The following SLC30A10 variants were observed in gnomAD, a reference collection of about 807,000 sequenced individuals.
SLC30A10 encodes the protein calcium/manganese antiporter SLC30A10.
A neutral mutation model predicts 21.7 loss-of-function variants in SLC30A10; 8 were observed. That is an observed-to-expected ratio of 0.37 (90% CI 0.22 to 0.67). The LOEUF (loss-of-function observed/expected upper bound fraction) is 0.67. Ranked by LOEUF, SLC30A10 falls within the 30% of genes least tolerant of loss-of-function variation. The probability of loss-of-function intolerance (pLI) is 0.58; values close to 1 mark genes in which losing one functional copy is unlikely to be tolerated. For synonymous variants in SLC30A10, 272 were observed against 279.4 expected (o/e 0.97, Z 0.26); for missense variants, 521 against 642.5 (o/e 0.81, Z 2.04).
chr1:219,921,061 G>A (rs568047642), intron 2 of SLC30A10, among the ~76,000 whole-genome samples: 20 of 152,272 alleles, frequency 1.3e-4, no homozygotes, highest in South Asian at 1.0e-3. Context: ...AAAACAAGCC[G>A]CGTGGAAAAG....
chr1:219,928,511 G>C lies in SLC30A10; in HGVS notation c.-71C>G, dbSNP rs1228719271. The C allele has an allele frequency of 8.8e-6, 12 of 1,362,410 alleles. No individual in the cohort carries two copies. The highest frequency in any genetic ancestry group is 3.4e-5 in the Admixed American group (1 of 29,248). 84.4% of individuals were successfully genotyped at this position (1,362,410 alleles called of 1,614,324 possible). ...CCCACCCCGCGCGCAGCCACAGGTGGGGGGCGCGGCGCGGATCCGTGAGGC... is the reference window on the plus strand; with the variant it reads ...CCCACCCCGCGCGCAGCCACAGGTGCGGGGCGCGGCGCGGATCCGTGAGGC... On this transcript the variant is annotated 5_prime_UTR_variant, in exon 1 of 4. Coordinates refer to ENST00000366926, the MANE Select transcript of SLC30A10 (RefSeq NM_018713.3). This position sits in a 1 kb window ranked among gnomAD's most constrained non-coding sequence, Gnocchi z 6.3.
chr1:219,933,263 C>T (rs61832077), upstream of SLC30A10, among the ~76,000 whole-genome samples: 3 of 152,042 alleles, frequency 2.0e-5, no homozygotes, highest in Non-Finnish European at 4.4e-5. Context: ...GTTCTTGCAA[C>T]GAAAGAGTAT....
In SLC30A10 at chr1:219,948,045, A is replaced by G. The variant is rs1339092052; in HGVS notation, n.80+10523T>C. ...AAGAGAATAAAATACCTAGGAATCC[A>G]ACTTACAAGGGACGTGAAGGATCTC... On this transcript the variant is annotated intron_variant and non_coding_transcript_variant, in intron 1 of 8. Transcript: ENST00000484239. 4.6e-5 allele frequency among the ~76,000 whole-genome samples: 7 copies of G among 152,054 alleles called. No individual in the cohort carries two copies. The East Asian group carries it at 1.4e-3, about 29-fold the overall frequency.
intron 1 of SLC30A10, among the ~76,000 whole-genome samples, chr1:219,940,557 G>T (rs2102542424): frequency 6.6e-6 from 1 of 152,342 alleles, no homozygotes; most frequent in African/African-American, 2.4e-5. Flanking sequence ...GTGAAAGATT[G>T]GGAAGCCGTA....
intron 1 of SLC30A10, among the ~76,000 whole-genome samples, chr1:219,940,944 A>G (rs1660112526): frequency 6.6e-6 from 1 of 152,196 alleles, no homozygotes; most frequent in South Asian, 2.1e-4. Flanking sequence ...CATTTCTCTC[A>G]CTGAGAGTAG....
chr1:219,924,825 C>A (rs1659776577), intron 2 of SLC30A10, among the ~76,000 whole-genome samples: 1 of 152,150 alleles, frequency 6.6e-6, no homozygotes. Flanking sequence ...TATTTCAAAG[C>A]AATCCCATAA....
In SLC30A10 at chr1:219,912,265, C is replaced by T. The variant is rs1210056815; in HGVS notation, c.*3184G>A. Among the ~76,000 whole-genome samples the T allele has an allele frequency of 6.8e-6, 1 of 146,168 alleles. No individual in the cohort carries two copies. The highest frequency in any genetic ancestry group is 1.5e-5 in the Non-Finnish European group (1 of 66,914). ...TCTCCCTACTTTATTGACATTTTAT[C>T]AAGAAGAGAGTAATTTTATTTTCTG... On this transcript the variant is annotated 3_prime_UTR_variant, in exon 4 of 4. Coordinates refer to ENST00000366926, the MANE Select transcript of SLC30A10 (RefSeq NM_018713.3).
chr1:219,932,948 C>G (rs1386421127), upstream of SLC30A10, among the ~76,000 whole-genome samples: 12 of 151,384 alleles, frequency 7.9e-5, no homozygotes, highest in Non-Finnish European at 1.6e-4. Flanking sequence ...GTAATCCCAG[C>G]TACTCGGGAG....
intron 1 of SLC30A10, among the ~76,000 whole-genome samples, chr1:219,957,607 C>T (rs1008371071): frequency 7.2e-5 from 11 of 152,140 alleles, no homozygotes; most frequent in Admixed American, 6.6e-4. Flanking sequence ...TCTCTCAGTC[C>T]TTATTAACTC....
chr1:219,928,840 G>A (rs1276127807), upstream of SLC30A10, among the ~76,000 whole-genome samples: 3 of 152,186 alleles, frequency 2.0e-5, no homozygotes, highest in Non-Finnish European at 4.4e-5. The surrounding 1 kb of genome is among the most constrained non-coding windows in gnomAD (Gnocchi z 6.3). Context: ...ATGCAGAGGT[G>A]GGATTCACCC....
At chr1:219,923,519 T>C (rs1268539480) in intron 2 of SLC30A10, among the ~76,000 whole-genome samples, 1 of 152,194 alleles carries the variant, frequency 6.6e-6, no homozygotes, top group Admixed American at 6.5e-5. Context: ...ATCTTTCTTA[T>C]TGGAATTACA....
At chr1:219,955,688 C>G (rs779678204) in intron 1 of SLC30A10, among the ~76,000 whole-genome samples, 1 of 152,016 alleles carries the variant, frequency 6.6e-6, no homozygotes, top group Non-Finnish European at 1.5e-5. Context: ...TCCACAAAAC[C>G]TGGGGGAGAC....
chr1:219,956,375 C>T (rs1362039250), intron 1 of SLC30A10, among the ~76,000 whole-genome samples: 1 of 152,100 alleles, frequency 6.6e-6, no homozygotes, highest in Non-Finnish European at 1.5e-5. Flanking sequence ...CCAAAAGCTG[C>T]CAAAATAATA....
intron 1 of SLC30A10, among the ~76,000 whole-genome samples, chr1:219,956,249 C>A (rs1660347514): frequency 7.6e-6 from 1 of 130,830 alleles, no homozygotes; most frequent in African/African-American, 2.8e-5. Context: ...TAGCTCACTG[C>A]AGCCTCAAAC....
At chr1:219,932,929 C>T (rs1458184800), upstream of SLC30A10, among the ~76,000 whole-genome samples, 24 of 150,962 alleles carry the variant, frequency 1.6e-4, no homozygotes, top group Non-Finnish European at 2.1e-4. Context: ...GGCGTGGTGG[C>T]GCACGCCTGT....
At position 219,919,556 on chromosome 1, in the gene SLC30A10, A is replaced by G. The variant is rs567798857; in HGVS notation, c.719-1062T>C. Among the ~76,000 whole-genome samples the G allele has an allele frequency of 4.6e-5, 7 of 152,250 alleles. No homozygotes were observed. The South Asian group carries it at 1.5e-3, about 32-fold the overall frequency. Reference sequence around the variant, plus strand: ...TTTGGGAGGCCAAGGCAGGTAGATCATCTGAAGTCAGGAGTTCAAGACCAG... The same window carrying G: ...TTTGGGAGGCCAAGGCAGGTAGATCGTCTGAAGTCAGGAGTTCAAGACCAG... On this transcript the variant is annotated intron_variant, in intron 2 of 3. Transcript: ENST00000366926.
At chr1:219,944,164 C>A (rs1283350692) in intron 1 of SLC30A10, among the ~76,000 whole-genome samples, 2 of 147,804 alleles carry the variant, frequency 1.4e-5, no homozygotes, top group African/African-American at 5.0e-5. Context: ...AAAAAAAAAA[C>A]TGGCGGGGCA....
In SLC30A10 at chr1:219,910,920, G is replaced by T. The variant is rs2102520607; in HGVS notation, c.*4529C>A. On this transcript the variant is annotated 3_prime_UTR_variant, in exon 4 of 4. Coordinates refer to ENST00000366926, the MANE Select transcript of SLC30A10 (RefSeq NM_018713.3). ...AACTCCAGATGGGTAAGAACATGCA[G>T]ATTACATTGAGGATTATCTTTCAAT... Among the ~76,000 whole-genome samples the T allele has an allele frequency of 6.6e-6, 1 of 152,284 alleles. No homozygotes were observed. The highest frequency in any genetic ancestry group is 2.1e-4 in the South Asian group (1 of 4,824).
Position 219,918,495 on chromosome 1 carries a change from C to T in SLC30A10, c.719-1G>A, listed in dbSNP as rs1659600333. 6.3e-7 allele frequency: 1 copy of T among 1,590,914 alleles called. No individual in the cohort carries two copies. ...TCTCCCATCACATGCAAAAGTACAC[C>T]TGCCAGGAAGAAAGACTACTGCAGC... On this transcript the variant is annotated splice_acceptor_variant, in intron 2 of 3. Transcript: ENST00000366926. LOFTEE classifies it high-confidence loss of function. This position sits in a 1 kb window ranked among gnomAD's most constrained non-coding sequence, Gnocchi z 4.4.
Sources: gnomAD v4.1 joint callset for allele counts (sites outside exome capture counted in the v4.1 genomes callset) on GRCh38, gnomAD v4.1.1 for gene constraint, Gnocchi (gnomAD v3.1) non-coding constraint, MANE v1.5 for transcripts, NCBI Gene and HGNC (gene_info 2026-07-23, HGNC 2026-07-21) for gene names.